FIG4: variants seen among roughly 807,000 people sequenced by gnomAD.
FIG4 encodes FIG4 phosphoinositide 5-phosphatase, also known as polyphosphoinositide phosphatase.
Under a neutral mutation model 118.6 loss-of-function variants are expected in FIG4, and 112 were observed. The ratio of observed to expected loss-of-function variants is 0.94; its 90% CI spans 0.81 to 1.11. The LOEUF is 1.11. Among genes scored for constraint, FIG4 ranks in the 50% least tolerant of loss-of-function variants. The pLI, the probability that FIG4 is intolerant of heterozygous loss-of-function variation, is 0.00. For missense variants in FIG4, 969 were observed against 1,111.7 expected (o/e 0.87, Z 1.83); for synonymous variants, 369 against 381.2 (o/e 0.97, Z 0.37).
intron 22 of FIG4, among the ~76,000 whole-genome samples, chr6:109,819,927 G>A (rs1778959807): frequency 6.6e-6 from 1 of 152,164 alleles, no homozygotes; most frequent in South Asian, 2.1e-4. Context: ...AAGCCATTGA[G>A]TCCCTACCAT....
At position 109,764,901 on chromosome 6, in the gene FIG4, G is replaced by T. The variant is rs1388036755; in HGVS notation, c.1435-112G>T. 10 of 810,266 alleles carry T rather than the reference G, an allele frequency of 1.2e-5. No homozygotes were observed. In the Admixed American group the frequency reaches 1.6e-4, roughly 13 times the overall value. The allele number at this position is 810,266 out of a possible 1,614,324, so 50.2% of individuals were successfully genotyped here. ...TAATACCTGCCCACAGACTTTTTTT[G>T]TTTTTGTTTTTGTTTTTGTTTTTGT... On this transcript the variant is annotated intron_variant, in intron 13 of 22. Coordinates refer to ENST00000230124, the MANE Select transcript of FIG4 (RefSeq NM_014845.6).
chr6:109,822,082 TA>T (rs1317663480), intron 22 of FIG4, among the ~76,000 whole-genome samples: 2 of 152,298 alleles, frequency 1.3e-5, no homozygotes, highest in East Asian at 3.9e-4. Context: ...ATCTGTAGAT[TA>T]AAAAGCATAT....
At chr6:109,763,359 A>G (rs970781531) in intron 12 of FIG4, among the ~76,000 whole-genome samples, 9 of 152,058 alleles carry the variant, frequency 5.9e-5, no homozygotes, top group African/African-American at 1.7e-4. Context: ...TTTTCTGCAC[A>G]GCACCTTCTT....
intron 22 of FIG4, among the ~76,000 whole-genome samples, chr6:109,811,040 T>C (rs929886820): frequency 3.9e-5 from 6 of 152,218 alleles, no homozygotes; most frequent in Non-Finnish European, 8.8e-5. Context: ...ACCAAGCTGG[T>C]AAAATTTCAC....
intron 10 of FIG4, among the ~76,000 whole-genome samples, chr6:109,749,224 G>A (rs1393910685): frequency 6.6e-6 from 1 of 151,940 alleles, no homozygotes; most frequent in Non-Finnish European, 1.5e-5. Flanking sequence ...TATCCCACTA[G>A]GGATTGACTT....
chr6:109,805,002 A>T (rs544675845), intron 22 of FIG4, among the ~76,000 whole-genome samples: 40 of 152,344 alleles, frequency 2.6e-4, no homozygotes, highest in African/African-American at 9.1e-4. Flanking sequence ...TGTGAGGGAG[A>T]GATGCAAGGT....
At position 109,743,275 on chromosome 6, in the gene FIG4, G is replaced by A. The variant is rs760007124; in HGVS notation, c.1039+3G>A. ...GATGCCTAAACCACCTATTACATGT[G>A]TGTGGAGCCATGTTTTTAATAATAA... On this transcript the variant is annotated splice_donor_region_variant and intron_variant, in intron 9 of 22. Coordinates refer to ENST00000230124, the MANE Select transcript of FIG4 (RefSeq NM_014845.6). The A allele has an allele frequency of 1.1e-5, 18 of 1,611,802 alleles. No homozygotes were observed. The Admixed American group carries it at 3.0e-4, about 27-fold the overall frequency.
rs1562683413 is a variant in FIG4, at chr6:109,786,113, T to C, written c.1949-189T>C. ...GCTTGTTGAACTCAGCTTTGCATTGTATTTTCTATGCATCTATCTCATCTC... is the reference window on the plus strand; with the variant it reads ...GCTTGTTGAACTCAGCTTTGCATTGCATTTTCTATGCATCTATCTCATCTC... On this transcript the variant is annotated intron_variant, in intron 17 of 22. Coordinates refer to ENST00000230124, the MANE Select transcript of FIG4 (RefSeq NM_014845.6). 5.0e-6 allele frequency: 3 copies of C among 595,668 alleles called. No homozygotes were observed. The East Asian group carries it at 8.5e-5, about 17-fold the overall frequency. The allele number at this position is 595,668 out of a possible 1,614,324, so 36.9% of individuals were successfully genotyped here.
Position 109,743,744 on chromosome 6 carries a change from C to G in FIG4, c.1109C>G (p.Ser370Cys). Residue 370 changes from serine (S) to cysteine (C), a missense_variant, in exon 10 of 23, where the codon TCT becomes TGT. Around this residue, in one of 3 missense-constraint regions of FIG4, gnomAD observed 246 missense variants for 354.3 expected, o/e 0.69. Coordinates refer to ENST00000230124, the MANE Select transcript of FIG4 (RefSeq NM_014845.6). Reference protein sequence around the residue: ...HFDQMFQRFGSPIIILNLVKE... With the variant: ...HFDQMFQRFGCPIIILNLVKE... ...GACCAGATGTTCCAGAGGTTTGGCTCTCCCATCATCATCTTGAATTTAGTG... is the reference window on the plus strand; with the variant it reads ...GACCAGATGTTCCAGAGGTTTGGCTGTCCCATCATCATCTTGAATTTAGTG... 3 of 1,612,588 alleles carry G rather than the reference C, an allele frequency of 1.9e-6. No homozygotes were observed. Among genetic ancestry groups the G allele is most frequent in the Non-Finnish European group, 2.5e-6 (3 of 1,178,970 alleles).
chr6:109,750,560 G>A (rs1776659337), intron 10 of FIG4, among the ~76,000 whole-genome samples: 1 of 152,244 alleles, frequency 6.6e-6, no homozygotes, highest in African/African-American at 2.4e-5. Flanking sequence ...TTGAGTCCAG[G>A]AGTTCCAGGA....
chr6:109,790,735 T>G (rs561222836), intron 19 of FIG4, among the ~76,000 whole-genome samples: 9 of 152,190 alleles, frequency 5.9e-5, no homozygotes, highest in Non-Finnish European at 1.3e-4. Context: ...TTTCTGAATT[T>G]AAAAAACAGC....
intron 1 of FIG4, 52 bp from the exon 2 acceptor site, chr6:109,715,026 T>C (rs1428344759): frequency 2.0e-6 from 2 of 994,278 alleles, no homozygotes; most frequent in Non-Finnish European, 1.6e-6. Context: ...GTATAAAATG[T>C]GTATAGGGCA....
intron 22 of FIG4, among the ~76,000 whole-genome samples, chr6:109,799,076 A>G (rs988852437): frequency 7.9e-5 from 12 of 152,230 alleles, no homozygotes; most frequent in African/African-American, 2.7e-4. Context: ...AATAAAAACA[A>G]AACATTTCCC....
chr6:109,693,605 A>G (rs1003057863), intron 1 of FIG4, among the ~76,000 whole-genome samples: 1 of 152,216 alleles, frequency 6.6e-6, no homozygotes, highest in Non-Finnish European at 1.5e-5. Context: ...AAAAGCAGGA[A>G]AGAGATAACA....
intron 21 of FIG4, among the ~76,000 whole-genome samples, chr6:109,792,994 T>C (rs1197926422): frequency 6.6e-6 from 1 of 152,152 alleles, no homozygotes; most frequent in African/African-American, 2.4e-5. Context: ...TCCAGCCTAA[T>C]ATAACTTTTA....
intron 10 of FIG4, among the ~76,000 whole-genome samples, chr6:109,754,772 G>T (rs548451056): frequency 3.3e-5 from 5 of 152,140 alleles, no homozygotes; most frequent in African/African-American, 9.6e-5. Flanking sequence ...TATTTCTGTG[G>T]GATCGGTGGT....
chr6:109,763,132 C>A (rs567344969), intron 12 of FIG4, among the ~76,000 whole-genome samples: 2 of 152,296 alleles, frequency 1.3e-5, no homozygotes, highest in Admixed American at 1.3e-4. Flanking sequence ...GCAGCCTCTG[C>A]CTGACATATA....
chr6:109,723,808 T>TA (rs1188763106), intron 3 of FIG4, among the ~76,000 whole-genome samples: 1 of 152,172 alleles, frequency 6.6e-6, no homozygotes, highest in East Asian at 1.9e-4. Flanking sequence ...CAGTTGTGTT[T>TA]CCTACCACAT....
chr6:109,800,255 A>G (rs1778394356), intron 22 of FIG4, among the ~76,000 whole-genome samples: 1 of 152,178 alleles, frequency 6.6e-6, no homozygotes, highest in African/African-American at 2.4e-5. Context: ...CTTTATTATT[A>G]GCATTAACAG....
Sources: allele counts gnomAD v4.1 joint callset (sites outside exome capture counted in the v4.1 genomes callset), GRCh38; gene constraint gnomAD v4.1.1; regional missense constraint gnomAD v4.1.1; transcripts MANE v1.5; gene names NCBI Gene and HGNC (gene_info 2026-07-23, HGNC 2026-07-21).